SPATA6: variants seen among roughly 807,000 people sequenced by gnomAD.
SPATA6 encodes the protein spermatogenesis-associated protein 6.
A neutral mutation model predicts 65.3 loss-of-function variants in SPATA6; 56 were observed. That is an observed-to-expected ratio of 0.86 (90% CI 0.69 to 1.07). The LOEUF (loss-of-function observed/expected upper bound fraction) is 1.07, where lower values mean the gene tolerates loss of function less well. Ranked by LOEUF, SPATA6 falls within the 50% of genes least tolerant of loss-of-function variation. The pLI, the probability that SPATA6 is intolerant of heterozygous loss-of-function variation, is 0.00. For missense variants in SPATA6, 590 were observed against 594.8 expected (o/e 0.99, Z 0.08); for synonymous variants, 199 against 213.2 (o/e 0.93, Z 0.58).
chr1:48,262,460 G>A, the SPATA6 span: 2 of 152,098 alleles, frequency 1.3e-5, no homozygotes, highest in African/African-American at 4.8e-5. Flanking sequence ...TGCGTAAGTA[G>A]ATCATATAAC....
chr1:48,328,139 A>G (rs1164264977), intron 11 of SPATA6, among the ~76,000 whole-genome samples: 2 of 152,118 alleles, frequency 1.3e-5, no homozygotes, highest in African/African-American at 2.4e-5. Context: ...CAAAACCCCA[A>G]TAAGACACCA....
intron 1 of SPATA6, among the ~76,000 whole-genome samples, chr1:48,462,628 CAGAT>C (rs1470498905): frequency 2.6e-5 from 4 of 152,108 alleles, no homozygotes; most frequent in African/African-American, 7.2e-5. Context: ...GTGATAATGA[CAGAT>C]AGAGCCATAC....
chr1:48,351,231 C>G (rs778706694), intron 11 of SPATA6, among the ~76,000 whole-genome samples: 1 of 151,968 alleles, frequency 6.6e-6, no homozygotes, highest in African/African-American at 2.4e-5. Flanking sequence ...TTTCTATGAG[C>G]TTTTCTCTAG....
At chr1:48,357,288 T>C (rs1646687819) in intron 10 of SPATA6, among the ~76,000 whole-genome samples, 1 of 152,120 alleles carries the variant, frequency 6.6e-6, no homozygotes, top group African/African-American at 2.4e-5. Context: ...GGAAACAACT[T>C]CTGAAATATA....
chr1:48,440,205 G>C (rs1047164529), intron 3 of SPATA6, among the ~76,000 whole-genome samples: 6 of 152,204 alleles, frequency 3.9e-5, no homozygotes, highest in Admixed American at 2.6e-4. Context: ...GCTGTAGGGG[G>C]AGGGTAATCT....
intron 5 of SPATA6, among the ~76,000 whole-genome samples, chr1:48,408,877 CCAGGTCCCTCCCATAGCA>C (rs1258661407): frequency 6.6e-6 from 1 of 152,186 alleles, no homozygotes; most frequent in East Asian, 1.9e-4. Context: ...TCATCTCCCA[CCAGGTCCCTCCCATAGCA>C]CATGAGAATT....
intron 11 of SPATA6, among the ~76,000 whole-genome samples, chr1:48,333,170 C>A (rs1266546084): frequency 6.6e-6 from 1 of 152,174 alleles, no homozygotes; most frequent in Non-Finnish European, 1.5e-5. Flanking sequence ...ACCATCCAAT[C>A]ATCTACCAGT....
At chr1:48,371,267 CTATA>C (rs200429235) in intron 9 of SPATA6, among the ~76,000 whole-genome samples, 24,004 of 126,406 alleles carry the variant, frequency 0.19, 2,234 homozygotes, top group Admixed American at 0.28. Context: ...GAATATGTAT[CTATA>C]TAGATAGATA....
chr1:48,290,673 CA>C (rs201609149), downstream of SPATA6, among the ~76,000 whole-genome samples: 2 of 151,104 alleles, frequency 1.3e-5, no homozygotes, highest in Non-Finnish European at 3.0e-5. Context: ...AAATGGAAAA[CA>C]AAAAAAAGCA....
intron 11 of SPATA6, among the ~76,000 whole-genome samples, chr1:48,346,780 AG>A (rs1646377102): frequency 6.6e-6 from 1 of 152,086 alleles, no homozygotes; most frequent in Non-Finnish European, 1.5e-5. Context: ...GATCTCTACA[AG>A]GAGAACTACA....
rs1553139567 is a variant in SPATA6, at chr1:48,299,516, G to GAAAAGAAAAA, written c.1287-624_1287-623insTTTTTCTTTT. Among the ~76,000 whole-genome samples, 2 of 38,202 alleles carry GAAAAGAAAAA rather than the reference G, an allele frequency of 5.2e-5. 1 individual carries two copies. Among genetic ancestry groups the GAAAAGAAAAA allele is most frequent in the Non-Finnish European group, 9.5e-5 (2 of 21,050 alleles). 25.1% of individuals were successfully genotyped at this position (38,202 alleles called of 152,430 possible). A position where few individuals can be genotyped will look rare whatever the true frequency, so the allele number is the denominator to read the frequency against. On this transcript the variant is annotated intron_variant, in intron 12 of 12. Transcript: ENST00000371847. ...ACAACAAGAGCAAAACTCCGTCTCGGAAAAAAAAAAAAAAAAAAAAAGAAT... is the reference window on the plus strand; with the variant it reads ...ACAACAAGAGCAAAACTCCGTCTCGGAAAAGAAAAAAAAAAAAAAAAAAAAAAAAAAGAAT...
chr1:48,332,734 C>T (rs1430421640), intron 11 of SPATA6, among the ~76,000 whole-genome samples: 2 of 152,146 alleles, frequency 1.3e-5, no homozygotes, highest in Non-Finnish European at 2.9e-5. Flanking sequence ...AGCTAGTAGA[C>T]AGCTACATAA....
intron 6 of SPATA6, among the ~76,000 whole-genome samples, chr1:48,400,356 G>A (rs1047185449): frequency 4.0e-5 from 6 of 151,828 alleles, no homozygotes; most frequent in Non-Finnish European, 8.8e-5. Flanking sequence ...CAGTCTAAAA[G>A]TTTTGAGGCT....
intron 9 of SPATA6, among the ~76,000 whole-genome samples, chr1:48,379,638 T>C (rs1051256174): frequency 6.6e-6 from 1 of 152,192 alleles, no homozygotes; most frequent in Admixed American, 6.5e-5. Flanking sequence ...GAAAATCAGT[T>C]GTTACATTCA....
chr1:48,360,257 T>C (rs1446980380), intron 9 of SPATA6, among the ~76,000 whole-genome samples: 2 of 151,850 alleles, frequency 1.3e-5, no homozygotes, highest in African/African-American at 4.8e-5. Flanking sequence ...GTAAAATATA[T>C]ATTCTAATAA....
intron 3 of SPATA6, among the ~76,000 whole-genome samples, chr1:48,432,906 G>T (rs1654539615): frequency 3.9e-5 from 6 of 152,078 alleles, no homozygotes; most frequent in Admixed American, 3.3e-4. Context: ...GAAGTGATAG[G>T]CTAAATGTGA....
the SPATA6 span, chr1:48,262,549 C>T: frequency 1.7e-4 from 26 of 151,926 alleles, no homozygotes; most frequent in African/African-American, 5.8e-4. Context: ...TCTAAATGTC[C>T]AATAGAGGAA....
the SPATA6 span, among the ~76,000 whole-genome samples, chr1:48,269,561 G>A: frequency 6.6e-6 from 1 of 151,946 alleles, no homozygotes; most frequent in Non-Finnish European, 1.5e-5. Flanking sequence ...ATATGACAAA[G>A]AATGTCCATA....
At chr1:48,445,315 A>G (rs1025367817) in intron 3 of SPATA6, among the ~76,000 whole-genome samples, 16 of 152,314 alleles carry the variant, frequency 1.1e-4, no homozygotes, top group African/African-American at 3.8e-4. Flanking sequence ...AGGTGCTGCC[A>G]GGGCATCTAT....
Sources: gnomAD v4.1 joint callset for allele counts (sites outside exome capture counted in the v4.1 genomes callset) on GRCh38, gnomAD v4.1.1 for gene constraint, MANE v1.5 for transcripts, NCBI Gene and HGNC (gene_info 2026-07-23, HGNC 2026-07-21) for gene names.